Variants in CEP112 observed in about 807,000 individuals in gnomAD.
CEP112 encodes the protein centrosomal protein of 112 kDa.
In CEP112, 127 loss-of-function variants were observed where a neutral mutation model predicts 153.0. The observed-to-expected ratio is 0.83, with a 90% CI of 0.72 to 0.96. CEP112 has a LOEUF of 0.96. CEP112 is among the 40% of genes least tolerant of loss of function. The probability of loss-of-function intolerance (pLI) is 0.00; values close to 1 mark genes in which losing one functional copy is unlikely to be tolerated. For synonymous variants in CEP112, 358 were observed against 374.4 expected (o/e 0.96, Z 0.51); for missense variants, 1,089 against 1,101.2 (o/e 0.99, Z 0.16).
intron 12 of CEP112, among the ~76,000 whole-genome samples, chr17:66,042,066 T>C (rs957240591): frequency 6.6e-6 from 1 of 152,054 alleles, no homozygotes; most frequent in African/African-American, 2.4e-5. Flanking sequence ...TATGTATTCA[T>C]GGCTGGGCAC....
chr17:66,168,516 T>C (rs2072095883), intron 4 of CEP112, among the ~76,000 whole-genome samples: 1 of 151,636 alleles, frequency 6.6e-6, no homozygotes, highest in Admixed American at 6.6e-5. Context: ...TATATGTGTG[T>C]GTATATATAT....
chr17:65,780,557 C>T (rs972952479), intron 21 of CEP112, among the ~76,000 whole-genome samples: 23 of 152,024 alleles, frequency 1.5e-4, no homozygotes, highest in African/African-American at 5.6e-4. Context: ...TCTCTACCTT[C>T]TGTAATATTT....
At chr17:65,969,717 A>C (rs2062576858) in intron 17 of CEP112, among the ~76,000 whole-genome samples, 1 of 152,222 alleles carries the variant, frequency 6.6e-6, no homozygotes, top group Non-Finnish European at 1.5e-5. Flanking sequence ...CAGGAATATC[A>C]CATAAATGTG....
intron 4 of CEP112, among the ~76,000 whole-genome samples, chr17:66,158,473 G>A (rs954625770): frequency 9.9e-5 from 15 of 152,134 alleles, no homozygotes; most frequent in South Asian, 2.1e-4. Flanking sequence ...TGAGCCGGGC[G>A]TGGTGGTGGG....
intron 23 of CEP112, among the ~76,000 whole-genome samples, chr17:65,691,697 C>G (rs1254537376): frequency 2.0e-5 from 3 of 152,180 alleles, no homozygotes; most frequent in Admixed American, 6.5e-5. Flanking sequence ...GATGAGGTAG[C>G]CTTTCCCCCA....
chr17:65,669,470 T>C (rs2046857562), intron 24 of CEP112, among the ~76,000 whole-genome samples: 1 of 152,244 alleles, frequency 6.6e-6, no homozygotes, highest in Non-Finnish European at 1.5e-5. Context: ...ACAATGGGGA[T>C]AGATGATATC....
Position 66,132,725 on chromosome 17 carries a change from T to C in CEP112, c.509A>G (p.His170Arg). 6.2e-7 allele frequency: 1 copy of C among 1,613,974 alleles called. No homozygotes were observed. Among genetic ancestry groups the C allele is most frequent in the East Asian group, 2.2e-5 (1 of 44,876 alleles). ...QYTGKLRVRS[H>R]SLSPTHREDG... ...TTCTCTGTGAGTTGGACTCAAGGAG[T>C]GTGATCTCACTCGGAGCTTCCCAGT... Residue 170 changes from histidine to arginine, a missense_variant, in exon 5 of 27, where the codon CAC becomes CGC. Physicochemically the swap from His to Arg is conservative, Grantham distance 29. Transcript: ENST00000535342.
chr17:65,670,390 A>G (rs1240136731), intron 24 of CEP112, among the ~76,000 whole-genome samples: 1 of 151,928 alleles, frequency 6.6e-6, no homozygotes, highest in African/African-American at 2.4e-5. Flanking sequence ...CATAATTGAA[A>G]TTCTCAAGAA....
chr17:65,981,887 T>A (rs2063240713), intron 17 of CEP112, among the ~76,000 whole-genome samples: 1 of 152,136 alleles, frequency 6.6e-6, no homozygotes, highest in African/African-American at 2.4e-5. Context: ...CACTATTTTT[T>A]GGATTTGCAA....
intron 18 of CEP112, among the ~76,000 whole-genome samples, chr17:65,959,044 G>A (rs2062101888): frequency 6.6e-6 from 1 of 151,924 alleles, no homozygotes; most frequent in Admixed American, 6.6e-5. Flanking sequence ...GCTGCAGAGA[G>A]GAGCAACTCA....
intron 21 of CEP112, among the ~76,000 whole-genome samples, chr17:65,794,186 T>C (rs993315269): frequency 6.6e-6 from 1 of 152,204 alleles, no homozygotes; most frequent in Non-Finnish European, 1.5e-5. Flanking sequence ...TAGTCTTCTG[T>C]TGTAGGGTAA....
chr17:66,177,574 TACAA>T (rs1352793584), intron 2 of CEP112, among the ~76,000 whole-genome samples: 1 of 152,190 alleles, frequency 6.6e-6, no homozygotes, highest in East Asian at 1.9e-4. Flanking sequence ...TCCTCTGTGT[TACAA>T]ACAATCCAAT....
intron 4 of CEP112, among the ~76,000 whole-genome samples, chr17:66,137,800 T>C (rs1433131015): frequency 6.6e-6 from 1 of 152,230 alleles, no homozygotes; most frequent in East Asian, 1.9e-4. Flanking sequence ...TACACTTGAC[T>C]TAAAAGAAAT....
chr17:65,925,684 C>T (rs903366591), intron 19 of CEP112, among the ~76,000 whole-genome samples: 2 of 152,218 alleles, frequency 1.3e-5, no homozygotes, highest in Admixed American at 6.5e-5. Context: ...CTCTGTGATA[C>T]TCCTTCCAGG....
chr17:65,684,068 A>T lies in CEP112; in HGVS notation c.2697+5061T>A, dbSNP rs570751237. Among the ~76,000 whole-genome samples, 52 of 151,978 alleles carry T rather than the reference A, an allele frequency of 3.4e-4. No homozygotes were observed. In the South Asian group the frequency reaches 0.011, roughly 32 times the overall value. ...AAACAAAAACAAAAACAAAAACAAA[A>T]CCAACTTCCATTCCACACCTGGGGT... On this transcript the variant is annotated intron_variant, in intron 24 of 26. Coordinates refer to ENST00000535342, the MANE Select transcript of CEP112 (RefSeq NM_001199165.4).
At chr17:65,760,585 CTG>C (rs1416081345) in intron 21 of CEP112, among the ~76,000 whole-genome samples, 1 of 152,098 alleles carries the variant, frequency 6.6e-6, no homozygotes, top group Non-Finnish European at 1.5e-5. Flanking sequence ...CCCTGCATAA[CTG>C]GGATACATTC....
intron 24 of CEP112, among the ~76,000 whole-genome samples, chr17:65,643,552 C>T (rs1320509575): frequency 2.6e-5 from 4 of 151,982 alleles, no homozygotes; most frequent in Admixed American, 6.6e-5. Flanking sequence ...CTGCCTGCCT[C>T]GGCCTCCCAA....
intron 24 of CEP112, among the ~76,000 whole-genome samples, chr17:65,654,363 T>C (rs1277584164): frequency 6.6e-6 from 1 of 152,220 alleles, no homozygotes; most frequent in Non-Finnish European, 1.5e-5. Context: ...TATCATTTCC[T>C]CTTCACTTTC....
chr17:65,788,123 G>A (rs2054377827), intron 21 of CEP112, among the ~76,000 whole-genome samples: 1 of 152,172 alleles, frequency 6.6e-6, no homozygotes, highest in Admixed American at 6.5e-5. Context: ...TCACAGATAT[G>A]AGTTGAATTT....
Sources: gnomAD v4.1 joint callset for allele counts (sites outside exome capture counted in the v4.1 genomes callset) on GRCh38, gnomAD v4.1.1 for gene constraint, MANE v1.5 for transcripts, NCBI Gene and HGNC (gene_info 2026-07-23, HGNC 2026-07-21) for gene names.